Variants in TTC33 observed in about 807,000 individuals in gnomAD.
TTC33 encodes the protein tetratricopeptide repeat protein 33.
In TTC33, 24 loss-of-function variants were observed where a neutral mutation model predicts 29.4. The observed-to-expected ratio is 0.82, with a 90% CI of 0.59 to 1.15. The LOEUF is 1.15. Among genes scored for constraint, TTC33 ranks in the 50% most tolerant of loss-of-function variants. The pLI is 0.00. For missense variants in TTC33, 286 were observed against 310.4 expected, an observed-to-expected ratio of 0.92 and a Z score of 0.59; for synonymous variants, 107 against 100.3, an observed-to-expected ratio of 1.07 and a Z score of -0.40.
In TTC33 at chr5:40,746,850, C is replaced by T; in HGVS notation, c.169G>A (p.Glu57Lys). Reference sequence around the variant, plus strand: ...TCATCCTTCAGCTGTTTACTTTTCTCAGCACAGCCTTCAAGAAGAATTTCT... The same window carrying T: ...TCATCCTTCAGCTGTTTACTTTTCTTAGCACAGCCTTCAAGAAGAATTTCT... ...RKEILLEGCA[E>K]KSKQLKDEGA... The change falls in exon 2 of 5, where the codon GAG becomes AAG. Residue 57 changes from glutamate (E) to lysine (K), a missense_variant. Physicochemically the swap from Glu to Lys is moderately conservative, Grantham distance 56. Transcript: ENST00000337702. The T allele has an allele frequency of 1.2e-6, 2 of 1,614,126 alleles. No homozygotes were observed. The highest frequency in any genetic ancestry group is 1.7e-6 in the Non-Finnish European group (2 of 1,180,022).
At chr5:40,730,916 A>T (rs1394083367) in intron 2 of TTC33, among the ~76,000 whole-genome samples, 4 of 152,170 alleles carry the variant, frequency 2.6e-5, no homozygotes, top group Non-Finnish European at 5.9e-5. Context: ...ATAATAATAA[A>T]AGTATATACA....
intron 4 of TTC33, among the ~76,000 whole-genome samples, chr5:40,717,838 C>T (rs1447708277): frequency 6.6e-6 from 1 of 151,432 alleles, no homozygotes; most frequent in African/African-American, 2.4e-5. Flanking sequence ...TCAAGGCAGG[C>T]GGATCACCTG....
Position 40,714,934 on chromosome 5 carries a change from A to G in TTC33, c.*1211T>C, listed in dbSNP as rs1274656194. ...TAACAGAACCCAACAGTTCTATATTATTGTACTACAATATATAGTATAAAA... is the reference window on the plus strand; with the variant it reads ...TAACAGAACCCAACAGTTCTATATTGTTGTACTACAATATATAGTATAAAA... On this transcript the variant is annotated 3_prime_UTR_variant, in exon 5 of 5. Transcript: ENST00000337702. 1.3e-5 allele frequency: 2 copies of G among 152,146 alleles called. No individual in the cohort carries two copies. Among genetic ancestry groups the G allele is most frequent in the Non-Finnish European group, 2.9e-5 (2 of 67,930 alleles). The allele number at this position is 152,146 out of a possible 1,614,324, so 9.4% of individuals were successfully genotyped here.
intron 4 of TTC33, among the ~76,000 whole-genome samples, chr5:40,722,715 G>A (rs987075139): frequency 1.2e-4 from 18 of 151,270 alleles, no homozygotes; most frequent in South Asian, 8.4e-4. Context: ...CCCGGCCAGC[G>A]CCCCGTCCGG....
At position 40,716,230 on chromosome 5, in the gene TTC33, G is replaced by A. The variant is rs918450421; in HGVS notation, c.704C>T (p.Ser235Phe). 1.9e-6 allele frequency: 3 copies of A among 1,614,080 alleles called. No homozygotes were observed. In the Admixed American group the frequency reaches 5.0e-5, roughly 27 times the overall value. The change falls in exon 5 of 5, where the codon TCT (serine) becomes TTT (phenylalanine). Residue 235 changes from serine to phenylalanine, a missense_variant. Coordinates refer to ENST00000337702, the MANE Select transcript of TTC33 (RefSeq NM_012382.3). Reference sequence around the variant, plus strand: ...TACAGTCTCTATGGCCCCAGAAGCAGACACAATAACCATTGTTTTATTTGC... The same window carrying A: ...TACAGTCTCTATGGCCCCAGAAGCAAACACAATAACCATTGTTTTATTTGC... Reference protein sequence around the residue: ...VSANKTMVIVSASGAIETVTE... With the variant: ...VSANKTMVIVFASGAIETVTE...
rs1741934534 is a variant in TTC33, at chr5:40,713,337, A to AATTT, written c.*2804_*2807dup. ...GAAACAAGCTTTTGAATCATTATGT[A>AATTT]ATTTTCAAACAACTAAAAGGGCTAT... On this transcript the variant is annotated 3_prime_UTR_variant, in exon 5 of 5. Transcript: ENST00000337702. 6.6e-6 allele frequency among the ~76,000 whole-genome samples: 1 copy of AATTT among 152,174 alleles called. No homozygotes were observed. The highest frequency in any genetic ancestry group is 1.5e-5 in the Non-Finnish European group (1 of 68,012).
intron 1 of TTC33, among the ~76,000 whole-genome samples, chr5:40,747,912 G>A (rs1311886412): frequency 6.6e-6 from 1 of 151,948 alleles, no homozygotes; most frequent in Non-Finnish European, 1.5e-5. Flanking sequence ...TGCAACCTCT[G>A]CCTCCCAGGT....
At chr5:40,722,808 C>T (rs561889294) in intron 4 of TTC33, among the ~76,000 whole-genome samples, 13 of 150,776 alleles carry the variant, frequency 8.6e-5, no homozygotes, top group Admixed American at 4.0e-4. Context: ...GCCGCCCATC[C>T]GGGAGGTGGG....
intron 4 of TTC33, among the ~76,000 whole-genome samples, chr5:40,724,818 T>A (rs1411536827): frequency 1.3e-5 from 2 of 151,750 alleles, no homozygotes; most frequent in African/African-American, 4.8e-5. Context: ...AAACAATGTC[T>A]ACAGTAATTA....
intron 4 of TTC33, among the ~76,000 whole-genome samples, chr5:40,721,820 G>C (rs1197868833): frequency 3.9e-5 from 6 of 152,124 alleles, no homozygotes; most frequent in Non-Finnish European, 7.4e-5. Flanking sequence ...AAATTAAAAG[G>C]CTTCTGCACA....
intron 1 of TTC33, among the ~76,000 whole-genome samples, chr5:40,754,878 T>C (rs1007960778): frequency 6.6e-6 from 1 of 152,224 alleles, no homozygotes; most frequent in Non-Finnish European, 1.5e-5. Flanking sequence ...AACGAGTTTA[T>C]TGTTCCTCTA....
At chr5:40,723,575 A>C (rs1412782565) in intron 4 of TTC33, among the ~76,000 whole-genome samples, 1 of 152,128 alleles carries the variant, frequency 6.6e-6, no homozygotes, top group Non-Finnish European at 1.5e-5. Flanking sequence ...CACACACACA[A>C]AAAAGGTGGC....
intron 1 of TTC33, among the ~76,000 whole-genome samples, chr5:40,748,027 A>G (rs899192764): frequency 2.0e-5 from 3 of 152,012 alleles, no homozygotes; most frequent in African/African-American, 4.8e-5. Flanking sequence ...GGATTTCACC[A>G]TGTTAGCCAG....
At chr5:40,727,292 T>C (rs1742309657) in intron 4 of TTC33, among the ~76,000 whole-genome samples, 1 of 152,240 alleles carries the variant, frequency 6.6e-6, no homozygotes, top group Non-Finnish European at 1.5e-5. Context: ...TTTAAAATCT[T>C]AATTTACTTA....
intron 2 of TTC33, among the ~76,000 whole-genome samples, chr5:40,737,296 C>A: frequency 6.7e-6 from 1 of 149,746 alleles, no homozygotes. Context: ...TGAGGCTCCA[C>A]CTCAAAAAAA....
At chr5:40,717,019 A>C (rs1742015368) in intron 4 of TTC33, among the ~76,000 whole-genome samples, 1 of 152,122 alleles carries the variant, frequency 6.6e-6, no homozygotes, top group South Asian at 2.1e-4. Flanking sequence ...ACCTGAGGTC[A>C]GGAGTTCAAG....
chr5:40,722,536 G>A lies in TTC33; in HGVS notation c.435+5809C>T, dbSNP rs1171514445. On this transcript the variant is annotated intron_variant, in intron 4 of 4. Coordinates refer to ENST00000337702, the MANE Select transcript of TTC33 (RefSeq NM_012382.3). Reference sequence around the variant, plus strand: ...CCCCACCTCCCCGTCTGGAATGTGAGGAGCGCCTCTGCCTGGCCGCGACCC... The same window carrying A: ...CCCCACCTCCCCGTCTGGAATGTGAAGAGCGCCTCTGCCTGGCCGCGACCC... Among the ~76,000 whole-genome samples, 37 of 151,406 alleles carry A rather than the reference G, an allele frequency of 2.4e-4. 1 individual carries two copies. The East Asian group carries it at 7.3e-3, about 30-fold the overall frequency.
At chr5:40,716,665 G>C (rs1015861099) in intron 4 of TTC33, among the ~76,000 whole-genome samples, 167 bp from the exon 5 acceptor site, 1 of 152,010 alleles carries the variant, frequency 6.6e-6, no homozygotes, top group Non-Finnish European at 1.5e-5. Flanking sequence ...CTAAACACTG[G>C]GGAAAAAAAT....
chr5:40,735,395 G>T (rs1001441635), intron 2 of TTC33, among the ~76,000 whole-genome samples: 1 of 152,100 alleles, frequency 6.6e-6, no homozygotes, highest in Non-Finnish European at 1.5e-5. Flanking sequence ...GAGGAAAAAA[G>T]ATTTACAACA....
Sources: allele counts gnomAD v4.1 joint callset (sites outside exome capture counted in the v4.1 genomes callset), GRCh38; gene constraint gnomAD v4.1.1; transcripts MANE v1.5; gene names NCBI Gene and HGNC (gene_info 2026-07-23, HGNC 2026-07-21).